The following MATN2 variants were observed in gnomAD, a reference collection of about 807,000 sequenced individuals.
MATN2 encodes matrilin 2, also known as matrilin-2.
Under a neutral mutation model 103.2 loss-of-function variants are expected in MATN2, and 69 were observed. That is an observed-to-expected ratio of 0.67 (90% CI 0.55 to 0.82). The LOEUF is 0.82. MATN2 is among the 40% of genes least tolerant of loss of function. The pLI is 0.00. For missense variants in MATN2, 1,023 were observed against 1,211.5 expected, an observed-to-expected ratio of 0.84 and a Z score of 2.31; for synonymous variants, 429 against 450.2, an observed-to-expected ratio of 0.95 and a Z score of 0.60.
At chr8:97,939,709 C>T (rs1302593038) in intron 3 of MATN2, among the ~76,000 whole-genome samples, 1 of 152,176 alleles carries the variant, frequency 6.6e-6, no homozygotes, top group Non-Finnish European at 1.5e-5. Context: ...CTGAGCATGT[C>T]CACTAGTGAC....
intron 5 of MATN2, among the ~76,000 whole-genome samples, chr8:97,964,130 T>C (rs558790392): frequency 1.3e-5 from 2 of 152,216 alleles, no homozygotes; most frequent in South Asian, 4.1e-4. Context: ...TAGGGCTAAG[T>C]CTGGCCTAGG....
intron 14 of MATN2, 120 bp from the exon 15 acceptor site, chr8:98,030,342 C>T: frequency 1.4e-6 from 1 of 711,204 alleles, no homozygotes; most frequent in Non-Finnish European, 2.3e-6. Flanking sequence ...GGAAGGTTGG[C>T]ATGGACTCTT....
At chr8:97,944,921 A>G (rs1810695006) in intron 4 of MATN2, among the ~76,000 whole-genome samples, 1 of 152,226 alleles carries the variant, frequency 6.6e-6, no homozygotes, top group African/African-American at 2.4e-5. Flanking sequence ...TCCTCCCCAA[A>G]GCACCTCTTA....
intron 6 of MATN2, among the ~76,000 whole-genome samples, chr8:97,987,245 A>G (rs1319196627): frequency 6.6e-6 from 1 of 152,142 alleles, no homozygotes; most frequent in Non-Finnish European, 1.5e-5. Context: ...TCATCTTAAC[A>G]CATGGACACG....
At chr8:97,936,911 T>C (rs1049669190) in intron 3 of MATN2, among the ~76,000 whole-genome samples, 2 of 152,232 alleles carry the variant, frequency 1.3e-5, no homozygotes, top group African/African-American at 4.8e-5. Flanking sequence ...TGTTTGAGAT[T>C]CTTTTGGTTG....
At chr8:97,942,107 T>G (rs781488610) in intron 4 of MATN2, among the ~76,000 whole-genome samples, 11 of 151,984 alleles carry the variant, frequency 7.2e-5, no homozygotes, top group Admixed American at 2.6e-4. Flanking sequence ...TCAGGAAGAG[T>G]TGGAGAGATA....
At position 97,930,748 on chromosome 8, in the gene MATN2, G is replaced by A. The variant is rs4735513; in HGVS notation, c.143-205G>A. Among the ~76,000 whole-genome samples the A allele has an allele frequency of 0.41, 62,633 of 151,818 alleles. 14,186 individuals are homozygous for A. The highest frequency in any genetic ancestry group is 0.84 in the East Asian group (4,322 of 5,172). On this transcript the variant is annotated intron_variant, in intron 2 of 18. Transcript: ENST00000254898. ...AGTGATTCTCCTACCTCAGCCTCTCGAGTAGCTGGGAATACAGGTGCCGCC... is the reference window on the plus strand; with the variant it reads ...AGTGATTCTCCTACCTCAGCCTCTCAAGTAGCTGGGAATACAGGTGCCGCC...
intron 1 of MATN2, among the ~76,000 whole-genome samples, chr8:97,882,589 G>A (rs1000907105): frequency 6.6e-5 from 10 of 151,736 alleles, no homozygotes; most frequent in East Asian, 1.9e-4. Context: ...GTTTTGTAGC[G>A]ATGGGATTTC....
rs776712178 is a variant in MATN2 at position 98,027,847 on chromosome 8, T to C, written c.2356+18T>C. The C allele has an allele frequency of 6.5e-7, 1 of 1,538,808 alleles. No homozygotes were observed. The highest frequency in any genetic ancestry group is 1.4e-5 in the African/African-American group (1 of 72,346). ...GGCCAATGGTAATATGGGGTGGAGG[T>C]GCGGTTTACACCACTCAAGGTTCAG... On this transcript the variant is annotated intron_variant, in intron 14 of 18. Transcript: ENST00000254898.
At chr8:97,894,877 C>T (rs1818756128) in intron 2 of MATN2, among the ~76,000 whole-genome samples, 1 of 151,680 alleles carries the variant, frequency 6.6e-6, no homozygotes, top group South Asian at 2.1e-4. Flanking sequence ...TTATTAACCC[C>T]CCCTTTTTTT....
chr8:97,939,721 G>A (rs142809629), intron 3 of MATN2, among the ~76,000 whole-genome samples: 2 of 152,328 alleles, frequency 1.3e-5, no homozygotes, highest in East Asian at 1.9e-4. Flanking sequence ...ACTAGTGACC[G>A]TGAAAACGCT....
At chr8:97,992,891 G>A (rs893492580) in intron 6 of MATN2, among the ~76,000 whole-genome samples, 7 of 151,186 alleles carry the variant, frequency 4.6e-5, no homozygotes, top group African/African-American at 1.7e-4. Context: ...TTGCGCTTCA[G>A]CCTGGGCGAT....
At chr8:97,955,717 CAG>C (rs747547863) in intron 4 of MATN2, among the ~76,000 whole-genome samples, 1 of 152,184 alleles carries the variant, frequency 6.6e-6, no homozygotes, top group Non-Finnish European at 1.5e-5. Flanking sequence ...CTGTCCTTCA[CAG>C]AGCTTACAAG....
chr8:97,939,487 C>A (rs965511343), intron 3 of MATN2, among the ~76,000 whole-genome samples: 3 of 152,136 alleles, frequency 2.0e-5, no homozygotes, highest in Non-Finnish European at 4.4e-5. Context: ...TCAACCTCAG[C>A]TGAGAACATC....
rs760479573 is a variant in MATN2, at chr8:98,018,087, G to A, written c.1790G>A (p.Arg597Gln). The change falls in exon 12 of 19, where the codon CGG becomes CAG. Residue 597 changes from arginine (R) to glutamine (Q), a missense_variant. Physicochemically the swap from Arg to Gln is conservative, Grantham distance 43. Transcript: ENST00000254898. ...SYTCECLEGF[R>Q]LAEDGKRCRR... ...ACGTGCGAGTGCTTGGAGGGATTCC[G>A]GCTCGCTGAGGATGGGAAACGCTGC... 61 of 1,613,764 alleles carry A rather than the reference G, an allele frequency of 3.8e-5. No individual in the cohort carries two copies. Among genetic ancestry groups the A allele is most frequent in the South Asian group, 9.9e-5 (9 of 91,078 alleles).
At chr8:97,933,920 T>A (rs1414401800) in intron 3 of MATN2, among the ~76,000 whole-genome samples, 3 of 152,160 alleles carry the variant, frequency 2.0e-5, no homozygotes, top group Non-Finnish European at 4.4e-5. Flanking sequence ...CCTTATGTTA[T>A]CGCAGAAAGC....
At chr8:98,009,664 C>A (rs888143986) in intron 10 of MATN2, among the ~76,000 whole-genome samples, 3 of 152,198 alleles carry the variant, frequency 2.0e-5, no homozygotes, top group Non-Finnish European at 4.4e-5. Context: ...TGACCGCAAG[C>A]TCTGCTTTCC....
chr8:98,003,855 C>T (rs1165177597), intron 8 of MATN2, 72 bp downstream of exon 8: 3 of 1,585,094 alleles, frequency 1.9e-6, no homozygotes, highest in Non-Finnish European at 2.6e-6. Flanking sequence ...GGTTCACTAG[C>T]AACCAGTTAT....
intron 10 of MATN2, among the ~76,000 whole-genome samples, chr8:98,012,321 G>A (rs758999681): frequency 3.5e-4 from 54 of 152,184 alleles, no homozygotes; most frequent in Admixed American, 1.0e-3. Context: ...ATTCCTTATG[G>A]TGAGAGTGGT....
Sources: gnomAD v4.1 joint callset for allele counts (sites outside exome capture counted in the v4.1 genomes callset) on GRCh38, gnomAD v4.1.1 for gene constraint, MANE v1.5 for transcripts, NCBI Gene and HGNC (gene_info 2026-07-23, HGNC 2026-07-21) for gene names.